CREB1: variants seen among roughly 807,000 people sequenced by gnomAD.
The protein encoded by CREB1 is cAMP responsive element binding protein 1.
A neutral mutation model predicts 42.0 loss-of-function variants in CREB1; 2 were observed. The ratio of observed to expected loss-of-function variants is 0.05; its 90% CI spans 0.02 to 0.15. The LOEUF is 0.15. Ranked by LOEUF, CREB1 falls within the 10% of genes least tolerant of loss-of-function variation. CREB1 has a pLI of 1.00. For synonymous variants in CREB1, 123 were observed against 139.9 expected (o/e 0.88, Z 0.85); for missense variants, 199 against 388.9 (o/e 0.51, Z 4.11).
Position 207,536,691 on chromosome 2 carries a change from A to G in CREB1, c.-9+6557A>G, listed in dbSNP as rs966307711. Reference sequence around the variant, plus strand: ...GTTTTACTAATATTTGATTTAAAATATTACTATGTGCTATTTGGCCAGGCG... The same window carrying G: ...GTTTTACTAATATTTGATTTAAAATGTTACTATGTGCTATTTGGCCAGGCG... On this transcript the variant is annotated intron_variant, in intron 1 of 7. Coordinates refer to ENST00000353267, the MANE Select transcript of CREB1 (RefSeq NM_004379.5). 3.3e-5 allele frequency among the ~76,000 whole-genome samples: 5 copies of G among 152,250 alleles called. No homozygotes were observed. The East Asian group carries it at 7.7e-4, about 24-fold the overall frequency.
intron 7 of CREB1, among the ~76,000 whole-genome samples, chr2:207,596,483 G>A (rs1044993701): frequency 2.0e-4 from 30 of 152,188 alleles, no homozygotes; most frequent in Non-Finnish European, 4.1e-4. Flanking sequence ...ACTCAGGCTG[G>A]AGTGCAGTGG....
intron 2 of CREB1, among the ~76,000 whole-genome samples, chr2:207,559,483 T>C (rs1428565852): frequency 6.6e-6 from 1 of 152,200 alleles, no homozygotes; most frequent in East Asian, 1.9e-4. Context: ...TTTCTCACTT[T>C]TGTAGTTTCA....
intron 7 of CREB1, among the ~76,000 whole-genome samples, chr2:207,579,471 G>A (rs2082749243): frequency 6.6e-6 from 1 of 152,094 alleles, no homozygotes; most frequent in South Asian, 2.1e-4. Flanking sequence ...GTTTACCCCC[G>A]TTGACTGGCA....
Position 207,530,051 on chromosome 2 carries a change from G to C in CREB1, c.-92G>C, listed in dbSNP as rs2080521746. 6.5e-6 allele frequency: 1 copy of C among 153,126 alleles called. No homozygotes were observed. Among genetic ancestry groups the C allele is most frequent in the Non-Finnish European group, 1.5e-5 (1 of 68,544 alleles). 9.5% of individuals were successfully genotyped at this position (153,126 alleles called of 1,614,324 possible). A position where few individuals can be genotyped will look rare whatever the true frequency, so the allele number is the denominator to read the frequency against. On this transcript the variant is annotated 5_prime_UTR_variant, in exon 1 of 8. Transcript: ENST00000353267. ...ACGCGGCGGAGGTGTAGTTTGACGC[G>C]GTGTGTTACGTGGGGGAGAGAATAA...
At position 207,604,900 on chromosome 2, in the gene CREB1, AC is replaced by A. The variant is rs2087829668; in HGVS notation, c.*7843del. 6.6e-6 allele frequency among the ~76,000 whole-genome samples: 1 copy of A among 152,166 alleles called. No homozygotes were observed. Among genetic ancestry groups the A allele is most frequent in the Admixed American group, 6.5e-5 (1 of 15,282 alleles). On this transcript the variant is annotated 3_prime_UTR_variant, in exon 8 of 8. Coordinates refer to ENST00000353267, the MANE Select transcript of CREB1 (RefSeq NM_004379.5). ...TGATCCATTGTAACATGTTATCACT[AC>A]TTCATTCCTTTTTATAGCTAAGTAT... is the stretch of plus-strand genomic sequence containing the variant.
chr2:207,592,788 G>T (rs542619580), intron 7 of CREB1, among the ~76,000 whole-genome samples: 1 of 151,950 alleles, frequency 6.6e-6, no homozygotes, highest in East Asian at 1.9e-4. Flanking sequence ...CCATGGTGGC[G>T]CATGCCTGTA....
chr2:207,582,930 TAC>T (rs1559059377), intron 7 of CREB1: 4 of 244,192 alleles, frequency 1.6e-5, no homozygotes, highest in Non-Finnish European at 2.5e-5. Flanking sequence ...TATATATATA[TAC>T]ATACACACAC....
chr2:207,568,143 G>C (rs892835719), intron 4 of CREB1: 2 of 151,928 alleles, frequency 1.3e-5, no homozygotes, highest in African/African-American at 4.8e-5. Flanking sequence ...CATAAATCTT[G>C]ATAAGTTTAC....
intron 7 of CREB1, among the ~76,000 whole-genome samples, chr2:207,578,973 A>G (rs2082715519): frequency 6.6e-6 from 1 of 152,048 alleles, no homozygotes; most frequent in Non-Finnish European, 1.5e-5. Flanking sequence ...GTATTAGTAG[A>G]GACATGATTT....
Position 207,602,825 on chromosome 2 carries a change from T to C in CREB1, c.*5767T>C, listed in dbSNP as rs960825248. The stretch of plus-strand genomic sequence containing the variant: ...TATTAGGGGTGGCAAAGAAGAGTGC[T>C]AGTTAGCAGTTTTCCATGTAAAGTT... On this transcript the variant is annotated 3_prime_UTR_variant, in exon 8 of 8. Coordinates refer to ENST00000353267, the MANE Select transcript of CREB1 (RefSeq NM_004379.5). 4.6e-6 allele frequency: 1 copy of C among 218,478 alleles called. No homozygotes were observed. Among genetic ancestry groups the C allele is most frequent in the African/African-American group, 2.2e-5 (1 of 44,536 alleles). The allele number at this position is 218,478 out of a possible 1,614,324, so 13.5% of individuals were successfully genotyped here.
intron 7 of CREB1, chr2:207,582,927 A>G: frequency 3.9e-6 from 1 of 256,744 alleles, no homozygotes; most frequent in South Asian, 4.2e-5. Context: ...AAATATATAT[A>G]TATACATACA....
rs555498571 is a variant in CREB1, at chr2:207,567,569, G to T, written c.362+6G>T. ...TCAAGGAGGCCTTCCTACAGGTATG[G>T]AATTTAATAGTTAGAATCAAAGATG... On this transcript the variant is annotated splice_donor_region_variant and intron_variant, in intron 4 of 7. Transcript: ENST00000353267. 248 of 1,586,228 alleles carry T rather than the reference G, an allele frequency of 1.6e-4. 2 individuals carry two copies. In the South Asian group the frequency reaches 2.6e-3, roughly 17 times the overall value.
At chr2:207,530,304 A>AAAG (rs974461679) in intron 1 of CREB1, among the ~76,000 whole-genome samples, 170 bp downstream of exon 1, 4 of 151,746 alleles carry the variant, frequency 2.6e-5, no homozygotes, top group Non-Finnish European at 4.4e-5. Context: ...CGCAGCGAAC[A>AAAG]AAGAATAATG....
chr2:207,549,183 T>A (rs544402614), intron 1 of CREB1, among the ~76,000 whole-genome samples: 56 of 152,354 alleles, frequency 3.7e-4, no homozygotes, highest in African/African-American at 1.3e-3. Flanking sequence ...TTGAGGTTGA[T>A]CTATGTTGAG....
chr2:207,537,756 T>C (rs1311224465), intron 1 of CREB1, among the ~76,000 whole-genome samples: 2 of 152,212 alleles, frequency 1.3e-5, no homozygotes, highest in Admixed American at 6.5e-5. Flanking sequence ...TCTTGTCTTA[T>C]CTACTGGGTT....
At chr2:207,573,662 G>A (rs1388107434) in intron 5 of CREB1, among the ~76,000 whole-genome samples, 1 of 152,226 alleles carries the variant, frequency 6.6e-6, no homozygotes, top group Non-Finnish European at 1.5e-5. Flanking sequence ...GAGCCCACCA[G>A]TTGGAGGCTA....
chr2:207,559,770 A>C lies in CREB1; in HGVS notation c.115-456A>C, dbSNP rs564672943. On this transcript the variant is annotated intron_variant, in intron 2 of 7. Transcript: ENST00000353267. ...TTTAGAATTTTATGTTTCTTCAAGG[A>C]TAGTATATCTGTTGACCTTGGGTGA... Among the ~76,000 whole-genome samples, 5 of 152,310 alleles carry C rather than the reference A, an allele frequency of 3.3e-5. No individual in the cohort carries two copies. The East Asian group carries it at 9.6e-4, about 29-fold the overall frequency.
chr2:207,576,241 C>CTTTTTTTTTTTTTTTTTTTGGT (rs35735523), intron 6 of CREB1, among the ~76,000 whole-genome samples: 1 of 101,066 alleles, frequency 9.9e-6, no homozygotes, highest in Admixed American at 1.1e-4. Flanking sequence ...CTTTTTTTGG[C>CTTTTTTTTTTTTTTTTTTTGGT]TTTTTTTTTT....
In CREB1 at chr2:207,541,173, C is replaced by G. The variant is rs1211206699; in HGVS notation, c.-9+11039C>G. 2.0e-5 allele frequency among the ~76,000 whole-genome samples: 3 copies of G among 151,452 alleles called. No individual in the cohort carries two copies. In the South Asian group the frequency reaches 6.3e-4, roughly 32 times the overall value. ...GGTGGAGCATGCAGTGAGCCGAGAT[C>G]GTGCCACTGCACTCCAGCCTGGGTG... On this transcript the variant is annotated intron_variant, in intron 1 of 7. Coordinates refer to ENST00000353267, the MANE Select transcript of CREB1 (RefSeq NM_004379.5).
Sources: allele counts gnomAD v4.1 joint callset (sites outside exome capture counted in the v4.1 genomes callset), GRCh38; gene constraint gnomAD v4.1.1; transcripts MANE v1.5; gene names NCBI Gene and HGNC (gene_info 2026-07-23, HGNC 2026-07-21).